PXDNL: variants seen among roughly 807,000 people sequenced by gnomAD.
PXDNL encodes peroxidasin like.
Under a neutral mutation model 150.8 loss-of-function variants are expected in PXDNL, and 145 were observed. The observed-to-expected ratio is 0.96, with a 90% CI of 0.84 to 1.10. The LOEUF (loss-of-function observed/expected upper bound fraction) is 1.10. Among genes scored for constraint, PXDNL ranks in the 50% least tolerant of loss-of-function variants. The pLI, the probability that PXDNL is intolerant of heterozygous loss-of-function variation, is 0.00. For missense variants in PXDNL, 2,087 were observed against 1,873.9 expected (o/e 1.11, Z -2.10); for synonymous variants, 757 against 725.7 (o/e 1.04, Z -0.69).
At chr8:51,382,064 C>T (rs1807566025) in intron 17 of PXDNL, among the ~76,000 whole-genome samples, 1 of 152,070 alleles carries the variant, frequency 6.6e-6, no homozygotes. Flanking sequence ...GTCTCGATCT[C>T]CTGACCTTGT....
chr8:51,777,310 G>A (rs560100016), intron 1 of PXDNL, among the ~76,000 whole-genome samples: 1 of 152,264 alleles, frequency 6.6e-6, no homozygotes, highest in South Asian at 2.1e-4. Context: ...TTATAAGATG[G>A]CTGCGATAAT....
chr8:51,704,599 C>T (rs571913213), intron 1 of PXDNL, among the ~76,000 whole-genome samples: 1 of 152,220 alleles, frequency 6.6e-6, no homozygotes, highest in Non-Finnish European at 1.5e-5. Flanking sequence ...CTCCCATCAG[C>T]AGTGTATAAC....
At chr8:51,747,256 G>T (rs960100897) in intron 1 of PXDNL, among the ~76,000 whole-genome samples, 20 of 152,182 alleles carry the variant, frequency 1.3e-4, no homozygotes, top group Admixed American at 4.6e-4. Context: ...CACACACCAT[G>T]CACTGCTGCA....
chr8:51,766,735 CT>C (rs71550285), intron 1 of PXDNL, among the ~76,000 whole-genome samples: 4 of 148,902 alleles, frequency 2.7e-5, no homozygotes, highest in Admixed American at 1.3e-4. Flanking sequence ...TGTGATGCAT[CT>C]TTTTTTTAAA....
intron 4 of PXDNL, among the ~76,000 whole-genome samples, chr8:51,545,669 A>G (rs887133131): frequency 2.0e-5 from 3 of 152,182 alleles, no homozygotes; most frequent in Non-Finnish European, 2.9e-5. Flanking sequence ...GAGAGAGCCA[A>G]AAGGGAAAAA....
At chr8:51,426,217 A>G (rs1809095053) in intron 13 of PXDNL, among the ~76,000 whole-genome samples, 1 of 152,168 alleles carries the variant, frequency 6.6e-6, no homozygotes, top group Non-Finnish European at 1.5e-5. Context: ...AGGTTTTGAA[A>G]CTTCAGAACT....
Position 51,423,695 on chromosome 8 carries a change from C to G in PXDNL, c.1675G>C (p.Val559Leu), listed in dbSNP as rs148872370. The G allele has an allele frequency of 7.4e-5, 120 of 1,613,854 alleles. No homozygotes were observed. The African/African-American group carries it at 1.5e-3, about 20-fold the overall frequency. The change falls in exon 14 of 23, where the codon GTG becomes CTG. Residue 559 changes from valine to leucine, a missense_variant. Coordinates refer to ENST00000356297, the MANE Select transcript of PXDNL (RefSeq NM_144651.5). ...VQITESGKFH[V>L]DDEGTLTIYD... ...ATAGTCAGCGTGCCTTCATCATCCA[C>G]ATGGAATTTACCACTCTCAGTAATC...
chr8:51,683,164 C>CATATATATATATAT (rs71237228), intron 1 of PXDNL, among the ~76,000 whole-genome samples: 1,735 of 44,332 alleles, frequency 0.039, 239 homozygotes, highest in East Asian at 0.069. Flanking sequence ...AATTGTCTTT[C>CATATATATATATAT]ATATATATAT....
chr8:51,740,849 G>A (rs1157564547), intron 1 of PXDNL, among the ~76,000 whole-genome samples: 1 of 152,100 alleles, frequency 6.6e-6, no homozygotes, highest in Non-Finnish European at 1.5e-5. Flanking sequence ...ACGTGCTGCT[G>A]GATTTGGTTT....
At position 51,809,308 on chromosome 8, in the gene PXDNL, G is replaced by A; in HGVS notation, c.37C>T (p.Leu13Phe). The A allele has an allele frequency of 1.3e-6, 2 of 1,573,316 alleles. No homozygotes were observed. Among genetic ancestry groups the A allele is most frequent in the South Asian group, 2.3e-5 (2 of 86,132 alleles). The change falls in exon 1 of 23, where the codon CTC (leucine) becomes TTC (phenylalanine). Residue 13 changes from leucine (L) to phenylalanine (F), a missense_variant. Physicochemically the swap from Leu to Phe is conservative, Grantham distance 22. Transcript: ENST00000356297. ...CCTGGCAGGCACCACCCGGCCAGGA[G>A]AAAGAGAGTGGTCCAGCAGAACAGT... ...PRLFCWTTLF[L>F]LAGWCLPGLP... is the part of the protein sequence containing the mutation.
At chr8:51,339,920 T>C (rs1805940336) in intron 20 of PXDNL, 167 bp from the exon 21 acceptor site, 1 of 554,106 alleles carries the variant, frequency 1.8e-6, no homozygotes, top group Admixed American at 3.6e-5. Context: ...AAATTAAAAT[T>C]AAATGGCAGA....
At chr8:51,458,700 T>C (rs182690111) in intron 8 of PXDNL, among the ~76,000 whole-genome samples, 1 of 152,330 alleles carries the variant, frequency 6.6e-6, no homozygotes, top group East Asian at 1.9e-4. Flanking sequence ...TTCCCACTAA[T>C]TTCAAAATGT....
intron 3 of PXDNL, among the ~76,000 whole-genome samples, chr8:51,584,940 T>C (rs1176218730): frequency 1.3e-5 from 2 of 152,006 alleles, no homozygotes; most frequent in South Asian, 4.1e-4. Context: ...GTAATGGATA[T>C]GGAAGATAGA....
At chr8:51,546,628 G>A (rs985244871) in intron 4 of PXDNL, among the ~76,000 whole-genome samples, 5 of 152,204 alleles carry the variant, frequency 3.3e-5, no homozygotes, top group African/African-American at 1.2e-4. Context: ...AAAATCTGGG[G>A]TGGAGGGTGA....
At chr8:51,796,741 A>T (rs7464617) in intron 1 of PXDNL, among the ~76,000 whole-genome samples, 104,467 of 152,130 alleles carry the variant, frequency 0.69, 42,352 homozygotes, top group Non-Finnish European at 0.9. Flanking sequence ...ATTCTACCAG[A>T]GGTACAAAGA....
chr8:51,582,548 G>A (rs1169221473), intron 3 of PXDNL, among the ~76,000 whole-genome samples: 1 of 152,048 alleles, frequency 6.6e-6, no homozygotes, highest in Non-Finnish European at 1.5e-5. Context: ...TCTTTTGAAG[G>A]ACAATGTTAT....
At chr8:51,725,793 A>C (rs1385256477) in intron 1 of PXDNL, among the ~76,000 whole-genome samples, 1 of 152,232 alleles carries the variant, frequency 6.6e-6, no homozygotes. Flanking sequence ...CTGCAAGGAC[A>C]GATAGTAAAT....
chr8:51,482,609 T>C (rs1285798095), intron 6 of PXDNL, among the ~76,000 whole-genome samples: 12 of 152,106 alleles, frequency 7.9e-5, no homozygotes, highest in Non-Finnish European at 1.8e-4. Flanking sequence ...ATAATCCCCA[T>C]GTGTCAAGGG....
At chr8:51,736,253 T>C (rs1817036637) in intron 1 of PXDNL, among the ~76,000 whole-genome samples, 1 of 152,242 alleles carries the variant, frequency 6.6e-6, no homozygotes, top group South Asian at 2.1e-4. Context: ...ATGTGCACTA[T>C]GCCAGTTGAT....
Sources: allele counts gnomAD v4.1 joint callset (sites outside exome capture counted in the v4.1 genomes callset), GRCh38; gene constraint gnomAD v4.1.1; transcripts MANE v1.5; gene names NCBI Gene and HGNC (gene_info 2026-07-23, HGNC 2026-07-21).